SH3BGRL2: variants seen among roughly 807,000 people sequenced by gnomAD.
The protein encoded by SH3BGRL2 is SH3 domain binding glutamate rich protein like 2.
Under a neutral mutation model 14.8 loss-of-function variants are expected in SH3BGRL2, and 21 were observed. The ratio of observed to expected loss-of-function variants is 1.42; its 90% CI spans 1.01 to 2.05. The LOEUF is 2.05. Among genes scored for constraint, SH3BGRL2 ranks in the 30% most tolerant of loss-of-function variants. The pLI, the probability that SH3BGRL2 is intolerant of heterozygous loss-of-function variation, is 0.00. For missense variants in SH3BGRL2, 147 were observed against 130.8 expected, an observed-to-expected ratio of 1.12 and a Z score of -0.61; for synonymous variants, 50 against 47.8, an observed-to-expected ratio of 1.05 and a Z score of -0.19.
chr6:79,603,161 C>T, the SH3BGRL2 span, among the ~76,000 whole-genome samples: 1 of 152,092 alleles, frequency 6.6e-6, no homozygotes, highest in African/African-American at 2.4e-5. Flanking sequence ...TTAAAATGGA[C>T]CTTACAGTGA....
At chr6:79,576,551 C>G in the SH3BGRL2 span, among the ~76,000 whole-genome samples, 2 of 152,032 alleles carry the variant, frequency 1.3e-5, no homozygotes, top group South Asian at 4.2e-4. Flanking sequence ...TTTATTTTTT[C>G]TTGACCTTTT....
In SH3BGRL2 at chr6:79,700,950, AAAT is replaced by A. The variant is rs1324196337; in HGVS notation, c.*1442_*1444del. ...TAATTCTGAGCAGGAAATTTATAAG[AAAT>A]TGAAAGAGCAGAAGAATTACAGCCC... On this transcript the variant is annotated 3_prime_UTR_variant, in exon 4 of 4. Transcript: ENST00000369838. 3 of 152,190 alleles carry A rather than the reference AAAT, an allele frequency of 2.0e-5. No homozygotes were observed. Among genetic ancestry groups the A allele is most frequent in the Admixed American group, 6.5e-5 (1 of 15,268 alleles). The allele number at this position is 152,190 out of a possible 1,614,324, so 9.4% of individuals were successfully genotyped here.
the SH3BGRL2 span, among the ~76,000 whole-genome samples, chr6:79,556,015 T>C: frequency 1.3e-5 from 2 of 152,190 alleles, no homozygotes; most frequent in Non-Finnish European, 2.9e-5. Flanking sequence ...TAGGCAACTT[T>C]GTTTATAATC....
At chr6:79,657,122 G>T (rs150775675) in intron 1 of SH3BGRL2, among the ~76,000 whole-genome samples, 1 of 152,264 alleles carries the variant, frequency 6.6e-6, no homozygotes, top group East Asian at 1.9e-4. Context: ...GATAAACATG[G>T]GAATCGCTGA....
chr6:79,663,908 G>A (rs898243016), intron 1 of SH3BGRL2, among the ~76,000 whole-genome samples: 1 of 152,140 alleles, frequency 6.6e-6, no homozygotes, highest in Non-Finnish European at 1.5e-5. Flanking sequence ...CTGCTGCCTC[G>A]CAGGTTGATG....
At chr6:79,594,371 T>C in the SH3BGRL2 span, among the ~76,000 whole-genome samples, 1 of 152,232 alleles carries the variant, frequency 6.6e-6, no homozygotes, top group Non-Finnish European at 1.5e-5. Flanking sequence ...CTGCATGATA[T>C]GCACTGCACG....
the SH3BGRL2 span, among the ~76,000 whole-genome samples, chr6:79,550,821 A>T: frequency 6.6e-6 from 1 of 152,084 alleles, no homozygotes; most frequent in African/African-American, 2.4e-5. Context: ...CAGTGTCATG[A>T]TCATGGTATC....
At chr6:79,624,937 C>A in the SH3BGRL2 span, among the ~76,000 whole-genome samples, 8 of 151,940 alleles carry the variant, frequency 5.3e-5, no homozygotes, top group Non-Finnish European at 1.2e-4. Flanking sequence ...TTTGGGAAGC[C>A]AAGACAGGAG....
chr6:79,686,657 T>C (rs1417038077), intron 2 of SH3BGRL2, among the ~76,000 whole-genome samples: 2 of 152,212 alleles, frequency 1.3e-5, no homozygotes, highest in African/African-American at 4.8e-5. Flanking sequence ...CTTTAATCTC[T>C]CCAAGGATAT....
At chr6:79,678,800 C>G (rs565443666) in intron 2 of SH3BGRL2, among the ~76,000 whole-genome samples, 1 of 152,196 alleles carries the variant, frequency 6.6e-6, no homozygotes, top group African/African-American at 2.4e-5. Flanking sequence ...TTCGCAGTGT[C>G]AATTGTTTGC....
upstream of SH3BGRL2, among the ~76,000 whole-genome samples, chr6:79,628,890 A>G (rs531280111): frequency 1.3e-5 from 2 of 152,338 alleles, no homozygotes; most frequent in South Asian, 4.1e-4. Flanking sequence ...AGGTGGCTTA[A>G]GCAAGATGAG....
chr6:79,611,404 CTTTTTTTT>C, the SH3BGRL2 span, among the ~76,000 whole-genome samples: 1 of 123,682 alleles, frequency 8.1e-6, no homozygotes, highest in East Asian at 2.3e-4. Flanking sequence ...CAGTATATAA[CTTTTTTTT>C]TTTTTTTTTT....
At chr6:79,683,694 G>A (rs1377064200) in intron 2 of SH3BGRL2, among the ~76,000 whole-genome samples, 10 of 152,070 alleles carry the variant, frequency 6.6e-5, no homozygotes, top group Non-Finnish European at 1.0e-4. Context: ...TGATCTGCCC[G>A]CCTTGGCCTC....
the SH3BGRL2 span, among the ~76,000 whole-genome samples, chr6:79,582,803 G>A: frequency 0.083 from 12,631 of 152,112 alleles, 704 homozygotes; most frequent in Non-Finnish European, 0.12. Flanking sequence ...ATTAAAGTAC[G>A]GAACTTCTGC....
chr6:79,568,019 A>AT, the SH3BGRL2 span, among the ~76,000 whole-genome samples: 2 of 152,204 alleles, frequency 1.3e-5, no homozygotes, highest in African/African-American at 4.8e-5. Flanking sequence ...AAAAGCTGAA[A>AT]TATCATTTTG....
intron 1 of SH3BGRL2, among the ~76,000 whole-genome samples, chr6:79,644,772 T>C (rs1769095691): frequency 1.3e-5 from 2 of 152,190 alleles, no homozygotes; most frequent in Admixed American, 1.3e-4. Flanking sequence ...GTCATTTAAA[T>C]TGAAGTTGGC....
At chr6:79,572,559 G>A in the SH3BGRL2 span, among the ~76,000 whole-genome samples, 14 of 152,066 alleles carry the variant, frequency 9.2e-5, no homozygotes, top group African/African-American at 2.4e-4. Flanking sequence ...TCTGCTTGCC[G>A]GGTTCACGCC....
At chr6:79,598,041 A>C in the SH3BGRL2 span, among the ~76,000 whole-genome samples, 1 of 152,242 alleles carries the variant, frequency 6.6e-6, no homozygotes, top group African/African-American at 2.4e-5. Flanking sequence ...AATGTAAATC[A>C]AAACCAAATT....
the SH3BGRL2 span, among the ~76,000 whole-genome samples, chr6:79,569,397 C>T: frequency 6.6e-6 from 1 of 152,114 alleles, no homozygotes; most frequent in Non-Finnish European, 1.5e-5. Context: ...TAATTCTCTC[C>T]TGGGTCAGGA....
Sources: allele counts gnomAD v4.1 joint callset (sites outside exome capture counted in the v4.1 genomes callset), GRCh38; gene constraint gnomAD v4.1.1; transcripts MANE v1.5; gene names NCBI Gene and HGNC (gene_info 2026-07-23, HGNC 2026-07-21).